The following PRCC variants were observed in gnomAD, a reference collection of about 807,000 sequenced individuals.
PRCC encodes the protein proline-rich protein PRCC.
A neutral mutation model predicts 44.0 loss-of-function variants in PRCC; 10 were observed. That is an observed-to-expected ratio of 0.23 (90% CI 0.14 to 0.39). The LOEUF (loss-of-function observed/expected upper bound fraction) is 0.39. Among genes scored for constraint, PRCC ranks in the 10% least tolerant of loss-of-function variants. The probability of loss-of-function intolerance (pLI) is 1.00; values close to 1 mark genes in which losing one functional copy is unlikely to be tolerated. For missense variants in PRCC, 573 were observed against 624.7 expected, an observed-to-expected ratio of 0.92 and a Z score of 0.88; for synonymous variants, 278 against 259.5, an observed-to-expected ratio of 1.07 and a Z score of -0.69.
chr1:156,776,979 A>G (rs1651850066), intron 1 of PRCC, among the ~76,000 whole-genome samples: 2 of 152,192 alleles, frequency 1.3e-5, no homozygotes, highest in African/African-American at 4.8e-5. Flanking sequence ...GGTGAGTTTG[A>G]TATCTTGGCA....
At chr1:156,796,592 C>G (rs1029500585) in intron 5 of PRCC, 1 of 152,170 alleles carries the variant, frequency 6.6e-6, no homozygotes, top group African/African-American at 2.4e-5. Context: ...TCATTTGCAT[C>G]GAAGTTTGGT....
chr1:156,793,820 G>C (rs1652570080), intron 4 of PRCC, among the ~76,000 whole-genome samples: 1 of 151,552 alleles, frequency 6.6e-6, no homozygotes, highest in African/African-American at 2.4e-5. Flanking sequence ...TAGAGATGGG[G>C]TCTCACTTTA....
In PRCC at chr1:156,787,109, G is replaced by A; in HGVS notation, c.1018G>A (p.Asp340Asn). The A allele has an allele frequency of 6.2e-7, 1 of 1,614,054 alleles. No individual in the cohort carries two copies. The highest frequency in any genetic ancestry group is 8.5e-7 in the Non-Finnish European group (1 of 1,179,952). ...GGCCCCTTGGATGCCTAAGCCTGGG[G>A]ACGACTACAGCTACAATCAGTTTTC... is the stretch of plus-strand genomic sequence containing the variant. Reference protein sequence around the residue: ...SGAPWMPKPGDDYSYNQFSTY... With the variant: ...SGAPWMPKPGNDYSYNQFSTY... The change falls in exon 3 of 7, where the codon GAC (aspartate) becomes AAC (asparagine). Residue 340 changes from aspartate to asparagine, a missense_variant. By Grantham distance (23) the Asp-to-Asn change is conservative (BLOSUM62 1). Around this residue, in one of 4 missense-constraint regions of PRCC, gnomAD observed 141 missense variants for 130.2 expected, o/e 1.08. Coordinates refer to ENST00000271526, the MANE Select transcript of PRCC (RefSeq NM_005973.5).
rs1652796173 is a variant in PRCC, at chr1:156,800,405, C to T, written c.1421C>T (p.Thr474Ile). The change falls in exon 7 of 7, where the codon ACC becomes ATC. Residue 474 changes from threonine to isoleucine, a missense_variant. This residue lies in a region of PRCC where 69 missense variants were observed against 139.3 expected (regional missense o/e 0.50). Transcript: ENST00000271526. The part of the protein sequence containing the change: ...AKERELELKN[T>I]WSENKLSRRQ... ...GAGCGGGAGCTGGAACTGAAGAACA[C>T]CTGGTCAGAGAACAAGCTCAGCCGC... The T allele has an allele frequency of 2.5e-6, 4 of 1,614,058 alleles. No individual in the cohort carries two copies. Among genetic ancestry groups the T allele is most frequent in the Non-Finnish European group, 3.4e-6 (4 of 1,180,026 alleles).
intron 6 of PRCC, 91 bp from the exon 7 acceptor site, chr1:156,800,283 A>G: frequency 3.2e-6 from 4 of 1,246,796 alleles, no homozygotes; most frequent in East Asian, 2.3e-5. Context: ...GATAGGAGAA[A>G]GATTTTAAAT....
chr1:156,793,304 A>T (rs900273367), intron 4 of PRCC, among the ~76,000 whole-genome samples: 5 of 152,198 alleles, frequency 3.3e-5, no homozygotes, highest in African/African-American at 1.2e-4. Flanking sequence ...TTCTAGGTAG[A>T]GTGAGTATAG....
At position 156,800,518 on chromosome 1, in the gene PRCC, G is replaced by T. The variant is rs1204787981; in HGVS notation, c.*58G>T. The T allele has an allele frequency of 3.2e-6, 5 of 1,574,798 alleles. No homozygotes were observed. The African/African-American group carries it at 6.8e-5, about 21-fold the overall frequency. ...GCCAGCCCAGCTGGCCTGGCCCCCAGCTTCACCTCTGGGACCCCAGCTGCT... is the reference window on the plus strand; with the variant it reads ...GCCAGCCCAGCTGGCCTGGCCCCCATCTTCACCTCTGGGACCCCAGCTGCT... On this transcript the variant is annotated 3_prime_UTR_variant, in exon 7 of 7. Coordinates refer to ENST00000271526, the MANE Select transcript of PRCC (RefSeq NM_005973.5).
intron 2 of PRCC, among the ~76,000 whole-genome samples, chr1:156,782,578 T>C (rs12137568): frequency 0.13 from 20,220 of 152,204 alleles, 1,425 homozygotes; most frequent in African/African-American, 0.18. Flanking sequence ...GGGAGATGAA[T>C]TGTAACTCAA....
rs1251496357 is a variant in PRCC at position 156,786,862 on chromosome 1, A to G, written c.771A>G (p.Thr257=). Residue 257 remains threonine (T), a synonymous_variant, in exon 3 of 7, where the codon ACA becomes ACG. Transcript: ENST00000271526. ...AAAKSAALQV[T]KQITQEEDDS... ...CCAAGAGTGCTGCCCTGCAGGTGAC[A>G]AAGCAGATCACGCAGGAAGAAGACG... The G allele has an allele frequency of 6.2e-7, 1 of 1,614,230 alleles. No homozygotes were observed.
intron 5 of PRCC, among the ~76,000 whole-genome samples, chr1:156,795,237 T>C (rs1184807389): frequency 6.7e-6 from 1 of 149,520 alleles, no homozygotes; most frequent in Non-Finnish European, 1.5e-5. Flanking sequence ...CCCTCCCTCC[T>C]TTCCTCCTTT....
At chr1:156,787,650 C>CTTTTTTTTTTTTTTGTTTTTTTT (rs1652320771) in intron 3 of PRCC, among the ~76,000 whole-genome samples, 1 of 54,172 alleles carries the variant, frequency 1.8e-5, no homozygotes, top group African/African-American at 9.1e-5. Flanking sequence ...GGTTTTTGGC[C>CTTTTTTTTTTTTTTGTTTTTTTT]TTTTTTTTTT....
Position 156,768,077 on chromosome 1 carries a change from G to C in PRCC, c.306G>C (p.Ala102=). The C allele has an allele frequency of 1.9e-6, 3 of 1,589,772 alleles. No homozygotes were observed. The highest frequency in any genetic ancestry group is 2.6e-6 in the Non-Finnish European group (3 of 1,167,768). The change falls in exon 1 of 7, where the codon GCG becomes GCC. Residue 102 remains alanine, a synonymous_variant. Coordinates refer to ENST00000271526, the MANE Select transcript of PRCC (RefSeq NM_005973.5). ...PPPGVSPAEA[A]GVGEGLGLGL... is the part of the protein sequence containing the mutation. ...CAGGCGTGAGCCCGGCTGAAGCGGC[G>C]GGAGTTGGGGAGGGACTGGGATTGG...
At chr1:156,799,338 T>C (rs1652767231) in intron 6 of PRCC, among the ~76,000 whole-genome samples, 1 of 152,240 alleles carries the variant, frequency 6.6e-6, no homozygotes. Flanking sequence ...AAAAAAGTTC[T>C]AATATATTAA....
intron 1 of PRCC, among the ~76,000 whole-genome samples, chr1:156,773,257 A>G (rs1651698144): frequency 2.0e-5 from 3 of 152,088 alleles, no homozygotes. Context: ...GGAGTGTCTC[A>G]GAGCCAGAGC....
chr1:156,791,246 T>C lies in PRCC; in HGVS notation c.1084-451T>C, dbSNP rs2102769543. The C allele has an allele frequency of 3.1e-6, 3 of 977,922 alleles. 1 individual carries two copies. In the South Asian group the frequency reaches 4.1e-5, roughly 13 times the overall value. The allele number at this position is 977,922 out of a possible 1,614,324, so 60.6% of individuals were successfully genotyped here. On this transcript the variant is annotated intron_variant, in intron 3 of 6. Coordinates refer to ENST00000271526, the MANE Select transcript of PRCC (RefSeq NM_005973.5). ...ACCCGGTTTAGACTGTTTCCCTGTA[T>C]CCACAGGACCAAACTAGAATGAGGA...
At chr1:156,782,629 G>A (rs1227057861) in intron 2 of PRCC, among the ~76,000 whole-genome samples, 1 of 152,162 alleles carries the variant, frequency 6.6e-6, no homozygotes, top group Non-Finnish European at 1.5e-5. Flanking sequence ...TATTTAGGGA[G>A]GGTAGAATAA....
chr1:156,778,369 T>C (rs1021348452), intron 1 of PRCC, among the ~76,000 whole-genome samples: 1 of 152,172 alleles, frequency 6.6e-6, no homozygotes, highest in Non-Finnish European at 1.5e-5. Flanking sequence ...AGAATTTCCT[T>C]TTTTAAGGCT....
rs1222242073 is a variant in PRCC at position 156,767,820 on chromosome 1, G to C, written c.49G>C (p.Ala17Pro). 6.2e-7 allele frequency: 1 copy of C among 1,610,260 alleles called. No homozygotes were observed. Among genetic ancestry groups the C allele is most frequent in the Non-Finnish European group, 8.5e-7 (1 of 1,179,110 alleles). The change falls in exon 1 of 7, where the codon GCT (alanine) becomes CCT (proline). Residue 17 changes from alanine (A) to proline (P), a missense_variant. Physicochemically the swap from Ala to Pro is conservative, Grantham distance 27 (BLOSUM62 -1). Coordinates refer to ENST00000271526, the MANE Select transcript of PRCC (RefSeq NM_005973.5). Reference sequence around the variant, plus strand: ...CAGCGATGAGAGCGAGCCGGATGAGGCTGAGCCCGAGCCGGAGGAAGAGGA... The same window carrying C: ...CAGCGATGAGAGCGAGCCGGATGAGCCTGAGCCCGAGCCGGAGGAAGAGGA... ...ASSDESEPDE[A>P]EPEPEEEEAV...
At chr1:156,769,513 T>C (rs1651545324) in intron 1 of PRCC, among the ~76,000 whole-genome samples, 1 of 152,236 alleles carries the variant, frequency 6.6e-6, no homozygotes, top group Non-Finnish European at 1.5e-5. Flanking sequence ...GTGAAAGAAC[T>C]CCAATATGGA....
Sources: allele counts gnomAD v4.1 joint callset (sites outside exome capture counted in the v4.1 genomes callset), GRCh38; gene constraint gnomAD v4.1.1; regional missense constraint gnomAD v4.1.1; transcripts MANE v1.5; gene names NCBI Gene and HGNC (gene_info 2026-07-23, HGNC 2026-07-21).